CD8A: variants seen among roughly 807,000 people sequenced by gnomAD.
The protein encoded by CD8A is T-cell surface glycoprotein CD8 alpha chain.
Under a neutral mutation model 24.2 loss-of-function variants are expected in CD8A, and 25 were observed. The ratio of observed to expected loss-of-function variants is 1.03; its 90% CI spans 0.75 to 1.44. CD8A has a LOEUF of 1.44. CD8A is among the 40% of genes most tolerant of loss of function. The pLI, the probability that CD8A is intolerant of heterozygous loss-of-function variation, is 0.00. For synonymous variants in CD8A, 165 were observed against 149.9 expected (o/e 1.10, Z -0.74); for missense variants, 360 against 319.7 (o/e 1.13, Z -0.96).
chr2:86,798,527 T>C (rs1185814876), intron 3 of CD8A, among the ~76,000 whole-genome samples: 2 of 147,050 alleles, frequency 1.4e-5, no homozygotes, highest in Non-Finnish European at 3.1e-5. Flanking sequence ...TTTTCCTTTT[T>C]CTTTTTTTTT....
intron 1 of CD8A, chr2:86,808,056 T>G (rs1673979870): frequency 2.6e-5 from 4 of 152,314 alleles, no homozygotes; most frequent in Admixed American, 2.6e-4. Context: ...GGGCCAGCCT[T>G]GGTGGAGCCG....
rs369993109 is a variant in CD8A at position 86,787,898 on chromosome 2, A to AGAGAGT, written c.656+631_656+632insACTCTC. On this transcript the variant is annotated intron_variant, in intron 5 of 5. Transcript: ENST00000283635. Reference sequence around the variant, plus strand: ...TTAACAGAGAGGGAGAGAGAGAGAGAGTGTGTGTGTGTGTGTGTGTGTGTG... The same window carrying AGAGAGT: ...TTAACAGAGAGGGAGAGAGAGAGAGAGAGAGTGTGTGTGTGTGTGTGTGTGTGTGTG... 8.3e-3 allele frequency among the ~76,000 whole-genome samples: 1,202 copies of AGAGAGT among 144,580 alleles called. 16 individuals carry two copies. Among genetic ancestry groups the AGAGAGT allele is most frequent in the South Asian group, 0.034 (152 of 4,440 alleles). The allele number at this position is 144,580 out of a possible 152,430, so 94.9% of individuals were successfully genotyped here.
At chr2:86,800,284 C>G (rs1309705456) in intron 3 of CD8A, among the ~76,000 whole-genome samples, 1 of 151,410 alleles carries the variant, frequency 6.6e-6, no homozygotes, top group East Asian at 1.9e-4. Context: ...ATGGTGAAAC[C>G]CCGTCTCTAC....
chr2:86,795,422 A>G (rs1673448947), upstream of CD8A, among the ~76,000 whole-genome samples: 1 of 152,240 alleles, frequency 6.6e-6, no homozygotes, highest in East Asian at 1.9e-4. Context: ...ATCAGCTGAT[A>G]CCATGCTTTA....
intron 3 of CD8A, 47 bp downstream of exon 3, chr2:86,789,592 CT>C: frequency 7.1e-7 from 1 of 1,401,230 alleles, no homozygotes. Flanking sequence ...GGCATGGGCT[CT>C]CCCCGCGGTG....
At chr2:86,792,045 A>G (rs1307172773), upstream of CD8A, among the ~76,000 whole-genome samples, 1 of 152,116 alleles carries the variant, frequency 6.6e-6, no homozygotes, top group East Asian at 1.9e-4. Flanking sequence ...AAAAAATAAA[A>G]TAAAATAAAA....
rs372788383 is a variant in CD8A, at chr2:86,790,228, G to T, written c.403+100C>A. ...GGGAACAGTATCTAAGTCGCTTCCA[G>T]GTGCGCTAAGAGGCTTGAAAGCAGG... On this transcript the variant is annotated intron_variant, in intron 2 of 5. Coordinates refer to ENST00000283635, the MANE Select transcript of CD8A (RefSeq NM_001768.7). 7.4e-5 allele frequency: 65 copies of T among 878,976 alleles called. No individual in the cohort carries two copies. The African/African-American group carries it at 9.5e-4, about 13-fold the overall frequency. The allele number at this position is 878,976 out of a possible 1,614,324, so 54.4% of individuals were successfully genotyped here. A position where few individuals can be genotyped will look rare whatever the true frequency, so the allele number is the denominator to read the frequency against.
At chr2:86,786,671 C>A (rs1055036159) in intron 5 of CD8A, among the ~76,000 whole-genome samples, 1 of 152,028 alleles carries the variant, frequency 6.6e-6, no homozygotes, top group African/African-American at 2.4e-5. Flanking sequence ...CAGAAAAGAT[C>A]GAGAAAAGGG....
intron 2 of CD8A, among the ~76,000 whole-genome samples, chr2:86,804,686 G>C (rs564402731): frequency 6.6e-6 from 1 of 151,584 alleles, no homozygotes; most frequent in Admixed American, 6.6e-5. Context: ...GCTCACTGCA[G>C]CCTCCAACTC....
chr2:86,785,029 G>T lies in CD8A; in HGVS notation c.*891C>A, dbSNP rs1215508020. The T allele has an allele frequency of 2.2e-6, 1 of 454,100 alleles. No homozygotes were observed. The highest frequency in any genetic ancestry group is 1.6e-5 in the South Asian group (1 of 64,476). 28.1% of individuals were successfully genotyped at this position (454,100 alleles called of 1,614,324 possible). ...AAGTCATCAGTGATCCCAGGAACAT[G>T]TTTGTATCTCAAATTCAGAGATTCA... is the stretch of plus-strand genomic sequence containing the variant. On this transcript the variant is annotated 3_prime_UTR_variant, in exon 6 of 6. Transcript: ENST00000283635.
chr2:86,804,157 CATG>C (rs1673765421), intron 2 of CD8A, among the ~76,000 whole-genome samples: 2 of 152,100 alleles, frequency 1.3e-5, no homozygotes, highest in South Asian at 4.2e-4. Flanking sequence ...TGTCTTATAC[CATG>C]ATGTTGTATA....
At chr2:86,800,452 A>C (rs1248259241) in intron 3 of CD8A, among the ~76,000 whole-genome samples, 1 of 152,020 alleles carries the variant, frequency 6.6e-6, no homozygotes, top group Non-Finnish European at 1.5e-5. Context: ...ACAGAAAAAA[A>C]AAAAAAGAAA....
At chr2:86,796,047 G>A (rs1271104092) in intron 3 of CD8A, among the ~76,000 whole-genome samples, 1 of 152,178 alleles carries the variant, frequency 6.6e-6, no homozygotes, top group Non-Finnish European at 1.5e-5. Flanking sequence ...AACAGTTGAA[G>A]ATGATAAATA....
upstream of CD8A, among the ~76,000 whole-genome samples, chr2:86,794,214 T>A (rs1244345591): frequency 6.6e-6 from 1 of 152,192 alleles, no homozygotes; most frequent in Non-Finnish European, 1.5e-5. Context: ...TTTAAAAAAA[T>A]ATCCAGAAGT....
intron 4 of CD8A, 125 bp downstream of exon 4, chr2:86,789,198 G>A (rs1448595190): frequency 1.5e-5 from 11 of 744,680 alleles, no homozygotes; most frequent in Non-Finnish European, 2.5e-5. Context: ...TGTACCTGCG[G>A]GGCAGCTCGG....
chr2:86,787,708 T>C (rs528285699), intron 5 of CD8A, among the ~76,000 whole-genome samples: 1 of 152,210 alleles, frequency 6.6e-6, no homozygotes, highest in African/African-American at 2.4e-5. Flanking sequence ...CTGAGTTTAA[T>C]GTGCCTTTGC....
At chr2:86,787,537 G>A (rs1673068060) in intron 5 of CD8A, among the ~76,000 whole-genome samples, 1 of 152,020 alleles carries the variant, frequency 6.6e-6, no homozygotes, top group South Asian at 2.1e-4. Flanking sequence ...TATGACCTTG[G>A]ACAAATCACT....
intron 3 of CD8A, among the ~76,000 whole-genome samples, chr2:86,797,552 G>T (rs912886676): frequency 5.9e-5 from 9 of 152,124 alleles, no homozygotes; most frequent in African/African-American, 2.2e-4. Context: ...AGATGAGGAG[G>T]ACTCACAGGA....
chr2:86,800,046 C>A (rs753942304), intron 3 of CD8A, among the ~76,000 whole-genome samples: 31 of 151,484 alleles, frequency 2.0e-4, no homozygotes, highest in Non-Finnish European at 3.7e-4. Context: ...TTCCTTGAAT[C>A]TAGTGAGCTA....
Sources: gnomAD v4.1 joint callset for allele counts (sites outside exome capture counted in the v4.1 genomes callset) on GRCh38, gnomAD v4.1.1 for gene constraint, MANE v1.5 for transcripts, NCBI Gene and HGNC (gene_info 2026-07-23, HGNC 2026-07-21) for gene names.